NFATC2: variants seen among roughly 807,000 people sequenced by gnomAD.
The protein encoded by NFATC2 is nuclear factor of activated T-cells, cytoplasmic 2.
Under a neutral mutation model 87.3 loss-of-function variants are expected in NFATC2, and 22 were observed. That is an observed-to-expected ratio of 0.25 (90% confidence interval 0.18 to 0.36). The LOEUF (loss-of-function observed/expected upper bound fraction) is 0.36, where lower values mean the gene tolerates loss of function less well. NFATC2 is among the 10% of genes least tolerant of loss of function. The pLI is 1.00. For synonymous variants in NFATC2, 565 were observed against 542.2 expected (o/e 1.04, Z -0.58); for missense variants, 1,149 against 1,259.1 (o/e 0.91, Z 1.32).
chr20:51,532,048 C>T (rs1240621000), intron 1 of NFATC2, among the ~76,000 whole-genome samples: 4 of 152,082 alleles, frequency 2.6e-5, no homozygotes, highest in Non-Finnish European at 5.9e-5. Context: ...GGCAGTGGAT[C>T]GACTAAATCT....
intron 3 of NFATC2, among the ~76,000 whole-genome samples, chr20:51,509,406 T>C (rs745743183): frequency 3.3e-4 from 50 of 152,118 alleles, no homozygotes; most frequent in Non-Finnish European, 5.0e-4. Context: ...AGTAGGTGCT[T>C]GGTAAGTATT....
intron 6 of NFATC2, among the ~76,000 whole-genome samples, chr20:51,441,382 A>C (rs1026603441): frequency 6.6e-5 from 10 of 152,036 alleles, no homozygotes; most frequent in Non-Finnish European, 1.5e-4. Context: ...GTGGCCTTCG[A>C]GTGGCAGCTC....
chr20:51,418,957 A>C (rs575511792), intron 9 of NFATC2, among the ~76,000 whole-genome samples: 11,603 of 144,274 alleles, frequency 0.08, 1,858 homozygotes, highest in African/African-American at 0.29. Flanking sequence ...AGCCACCCCC[A>C]CCGCCCTAGG....
At chr20:51,424,406 T>C (rs1380732132) in intron 9 of NFATC2, among the ~76,000 whole-genome samples, 2 of 152,164 alleles carry the variant, frequency 1.3e-5, no homozygotes, top group Non-Finnish European at 2.9e-5. Context: ...AAAATGTCAC[T>C]GCGGTTAGGG....
chr20:51,476,863 T>C (rs528842089), intron 3 of NFATC2, among the ~76,000 whole-genome samples: 69 of 152,216 alleles, frequency 4.5e-4, no homozygotes, highest in Non-Finnish European at 1.0e-4. Flanking sequence ...ACCTGTTAGA[T>C]TGGCACACAT....
intron 3 of NFATC2, among the ~76,000 whole-genome samples, chr20:51,499,472 G>A (rs2146618413): frequency 6.6e-6 from 1 of 152,316 alleles, no homozygotes; most frequent in Non-Finnish European, 1.5e-5. Context: ...CTAAAACGCG[G>A]CCGGGCACGG....
At chr20:51,505,293 T>C (rs1370208182) in intron 3 of NFATC2, among the ~76,000 whole-genome samples, 1 of 151,952 alleles carries the variant, frequency 6.6e-6, no homozygotes, top group African/African-American at 2.4e-5. Flanking sequence ...GTGCTGGGAT[T>C]ACAGGCGTGA....
intron 3 of NFATC2, among the ~76,000 whole-genome samples, chr20:51,505,948 A>C (rs1402356889): frequency 6.6e-6 from 1 of 152,202 alleles, no homozygotes; most frequent in Non-Finnish European, 1.5e-5. Context: ...AATTAATAAG[A>C]AAAACAATGA....
chr20:51,556,060 G>T (rs1010213589), intron 1 of NFATC2, among the ~76,000 whole-genome samples: 1 of 152,126 alleles, frequency 6.6e-6, no homozygotes, highest in Non-Finnish European at 1.5e-5. Context: ...AGGAATCAAC[G>T]CACATGCACT....
intron 9 of NFATC2, among the ~76,000 whole-genome samples, chr20:51,428,961 T>C (rs537395677): frequency 1.3e-5 from 2 of 152,232 alleles, no homozygotes; most frequent in Non-Finnish European, 2.9e-5. Flanking sequence ...CTTGAAATCA[T>C]AAACGAAAGG....
rs1003454483 is a variant in NFATC2, at chr20:51,508,763, T to C, written c.1332+8021A>G. Among the ~76,000 whole-genome samples, 7 of 152,072 alleles carry C rather than the reference T, an allele frequency of 4.6e-5. No individual in the cohort carries two copies. In the East Asian group the frequency reaches 1.3e-3, roughly 29 times the overall value. ...CCAGACAGACAGATGCCACCCCTCT[T>C]GCAGCCAGTCTCAAAAAAATCCAGT... On this transcript the variant is annotated intron_variant, in intron 3 of 10. Coordinates refer to ENST00000371564, the MANE Select transcript of NFATC2 (RefSeq NM_012340.5).
intron 1 of NFATC2, among the ~76,000 whole-genome samples, chr20:51,561,050 CA>C (rs761076558): frequency 5.3e-5 from 8 of 152,056 alleles, no homozygotes; most frequent in Non-Finnish European, 1.0e-4. Flanking sequence ...GTATTTATGA[CA>C]GTAAAAACCC....
chr20:51,552,578 T>C (rs1158845616), intron 1 of NFATC2, among the ~76,000 whole-genome samples: 3 of 152,100 alleles, frequency 2.0e-5, no homozygotes, highest in African/African-American at 7.2e-5. Flanking sequence ...AGGCCGTTAG[T>C]TGAATATGCC....
chr20:51,468,631 C>T (rs983745391), intron 5 of NFATC2, among the ~76,000 whole-genome samples: 2 of 152,230 alleles, frequency 1.3e-5, no homozygotes, highest in South Asian at 2.1e-4. Context: ...GTGGACATCT[C>T]CTGTCTCATT....
chr20:51,519,036 G>A (rs1177322219), intron 2 of NFATC2, among the ~76,000 whole-genome samples: 5 of 151,980 alleles, frequency 3.3e-5, no homozygotes, highest in Non-Finnish European at 5.9e-5. Context: ...CCACTCTGCA[G>A]TCTTAGGGTA....
intron 9 of NFATC2, among the ~76,000 whole-genome samples, chr20:51,405,288 C>T (rs1180733987): frequency 6.6e-6 from 1 of 152,180 alleles, no homozygotes; most frequent in East Asian, 1.9e-4. Context: ...ACCCCAGATC[C>T]ACATGCAACG....
upstream of NFATC2, among the ~76,000 whole-genome samples, chr20:51,544,338 A>C (rs554308712): frequency 3.3e-5 from 5 of 152,156 alleles, no homozygotes; most frequent in African/African-American, 1.2e-4. Context: ...AGTGTTGAGG[A>C]TGAGAAGATT....
intron 9 of NFATC2, among the ~76,000 whole-genome samples, chr20:51,423,117 G>A (rs1981200179): frequency 6.6e-6 from 1 of 151,744 alleles, no homozygotes; most frequent in South Asian, 2.1e-4. Context: ...GCAAGACCCT[G>A]TGTCTCTATA....
chr20:51,546,967 G>T (rs2146822333), upstream of NFATC2, among the ~76,000 whole-genome samples: 1 of 152,324 alleles, frequency 6.6e-6, no homozygotes, highest in East Asian at 1.9e-4. Flanking sequence ...AAGAAGACAG[G>T]AGTGGCAGGT....
Sources: allele counts gnomAD v4.1 joint callset (sites outside exome capture counted in the v4.1 genomes callset), GRCh38; gene constraint gnomAD v4.1.1; transcripts MANE v1.5; gene names NCBI Gene and HGNC (gene_info 2026-07-23, HGNC 2026-07-21).